Variants in SAMD12 observed in about 807,000 individuals in gnomAD.
The protein encoded by SAMD12 is sterile alpha motif domain containing 12.
In SAMD12, 9 loss-of-function variants were observed where a neutral mutation model predicts 15.0. That is an observed-to-expected ratio of 0.60 (90% CI 0.36 to 1.05). The LOEUF is 1.05. SAMD12 is among the 50% of genes least tolerant of loss of function. The pLI, the probability that SAMD12 is intolerant of heterozygous loss-of-function variation, is 0.01. For synonymous variants in SAMD12, 86 were observed against 90.1 expected, an observed-to-expected ratio of 0.96 and a Z score of 0.25; for missense variants, 230 against 234.2, an observed-to-expected ratio of 0.98 and a Z score of 0.12.
the SAMD12 span, among the ~76,000 whole-genome samples, chr8:118,153,713 C>T: frequency 6.6e-6 from 1 of 152,130 alleles, no homozygotes. Flanking sequence ...AGAGGCTACA[C>T]CATGGGTTGA....
chr8:118,609,071 A>C (rs889103008), intron 1 of SAMD12, among the ~76,000 whole-genome samples: 3 of 152,248 alleles, frequency 2.0e-5, no homozygotes, highest in Non-Finnish European at 4.4e-5. Context: ...AATGTGAGCT[A>C]TACATACATT....
intron 4 of SAMD12, among the ~76,000 whole-genome samples, chr8:118,229,158 A>G (rs994416553): frequency 1.3e-5 from 2 of 152,128 alleles, no homozygotes; most frequent in Non-Finnish European, 2.9e-5. Context: ...GGGGCGAGGG[A>G]TAAAAGACTA....
At chr8:118,198,641 C>A (rs149125548) in intron 4 of SAMD12, among the ~76,000 whole-genome samples, 4 of 151,964 alleles carry the variant, frequency 2.6e-5, no homozygotes, top group Admixed American at 1.3e-4. Context: ...CATGACAGAA[C>A]GCACTATTTG....
chr8:118,428,448 A>G (rs1057256821), intron 3 of SAMD12, among the ~76,000 whole-genome samples: 7 of 152,192 alleles, frequency 4.6e-5, no homozygotes. Flanking sequence ...AAGAAATAAA[A>G]AGACCAATTT....
At chr8:118,297,769 A>G (rs190320034) in intron 4 of SAMD12, among the ~76,000 whole-genome samples, 12 of 152,320 alleles carry the variant, frequency 7.9e-5, no homozygotes, top group Non-Finnish European at 1.3e-4. Flanking sequence ...TTTTTTTTAC[A>G]TATGTAATTA....
chr8:118,229,260 C>T (rs1395423029), intron 4 of SAMD12, among the ~76,000 whole-genome samples: 1 of 151,886 alleles, frequency 6.6e-6, no homozygotes, highest in African/African-American at 2.4e-5. Context: ...CAAATACCAC[C>T]TGTACCCAAA....
rs1016831403 is a variant in SAMD12 at position 118,571,553 on chromosome 8, T to A, written c.192+9162A>T. ...GGAGTAGGCTGTATAAAAAGTGGTT[T>A]TGTGGGCCGGGCCCAGGGTGCCCAT... On this transcript the variant is annotated intron_variant, in intron 2 of 3. Coordinates refer to ENST00000314727, the MANE Select transcript of SAMD12 (RefSeq NM_207506.3). 2.0e-5 allele frequency among the ~76,000 whole-genome samples: 3 copies of A among 152,274 alleles called. No homozygotes were observed. The East Asian group carries it at 5.8e-4, about 29-fold the overall frequency.
intron 1 of SAMD12, among the ~76,000 whole-genome samples, chr8:118,594,826 GT>G (rs770825212): frequency 1.3e-5 from 2 of 152,128 alleles, no homozygotes; most frequent in Non-Finnish European, 2.9e-5. Context: ...CAATATTCCT[GT>G]GTTGATATAC....
chr8:118,140,699 C>A, the SAMD12 span, among the ~76,000 whole-genome samples: 1 of 152,190 alleles, frequency 6.6e-6, no homozygotes, highest in Admixed American at 6.5e-5. Flanking sequence ...TTCATTTGCT[C>A]TTCTACATTT....
intron 4 of SAMD12, among the ~76,000 whole-genome samples, chr8:118,267,437 A>T (rs886083206): frequency 6.6e-6 from 1 of 152,270 alleles, no homozygotes; most frequent in East Asian, 1.9e-4. Flanking sequence ...AAGGCCAAAG[A>T]CATATGGTTC....
At chr8:118,275,834 T>C (rs1813461985) in intron 4 of SAMD12, among the ~76,000 whole-genome samples, 1 of 152,204 alleles carries the variant, frequency 6.6e-6, no homozygotes. Flanking sequence ...CTGCATTAAT[T>C]TGCTTAGGAT....
intron 2 of SAMD12, among the ~76,000 whole-genome samples, chr8:118,450,896 G>A (rs1029270752): frequency 8.5e-5 from 13 of 152,162 alleles, no homozygotes; most frequent in Admixed American, 4.6e-4. Context: ...TTCTGAGAAC[G>A]TGTGTGGTCA....
At chr8:118,464,232 C>T (rs556178517) in intron 2 of SAMD12, among the ~76,000 whole-genome samples, 6 of 152,278 alleles carry the variant, frequency 3.9e-5, no homozygotes, top group South Asian at 2.1e-4. Context: ...ATAGCTGATG[C>T]GGCTAACTTT....
At chr8:118,458,546 A>T (rs1258827125) in intron 2 of SAMD12, among the ~76,000 whole-genome samples, 1 of 152,176 alleles carries the variant, frequency 6.6e-6, no homozygotes, top group East Asian at 1.9e-4. Flanking sequence ...CATTTTTCTG[A>T]TGCTTTAAAG....
At chr8:118,380,331 T>C (rs1007844368) in intron 3 of SAMD12, among the ~76,000 whole-genome samples, 1 of 152,054 alleles carries the variant, frequency 6.6e-6, no homozygotes, top group Non-Finnish European at 1.5e-5. Context: ...AATGCAAGGG[T>C]TCTAGCAGGG....
intron 4 of SAMD12, chr8:118,284,426 GTGATTCTGCC>G: frequency 2.2e-6 from 1 of 453,108 alleles, no homozygotes; most frequent in Non-Finnish European, 4.4e-6. Context: ...TGACAAGTGA[GTGATTCTGCC>G]TGCCTGATAT....
chr8:118,402,031 C>T (rs1820894404), intron 3 of SAMD12, among the ~76,000 whole-genome samples: 1 of 151,942 alleles, frequency 6.6e-6, no homozygotes, highest in Non-Finnish European at 1.5e-5. Context: ...GCTCAGTTTC[C>T]TTGTCTTTCC....
rs17749211 is a variant in SAMD12, at chr8:118,379,170, C to A, written c.*247G>T. ...AATGCTAAAGCGCCCTCACAATTGG[C>A]GCAGGTGAAGATAGCTACAGCTGGA... On this transcript the variant is annotated 3_prime_UTR_variant, in exon 4 of 4. Transcript: ENST00000314727. The A allele has an allele frequency of 2.4e-6, 3 of 1,227,690 alleles. No individual in the cohort carries two copies. The highest frequency in any genetic ancestry group is 3.2e-5 in the South Asian group (1 of 31,132). 76.0% of individuals were successfully genotyped at this position (1,227,690 alleles called of 1,614,324 possible). A position where few individuals can be genotyped will look rare whatever the true frequency, so the allele number is the denominator to read the frequency against.
intron 4 of SAMD12, among the ~76,000 whole-genome samples, chr8:118,235,861 CT>C (rs1294712566): frequency 6.6e-6 from 1 of 152,148 alleles, no homozygotes; most frequent in East Asian, 1.9e-4. Flanking sequence ...CTCTCTCATT[CT>C]TTCCTTAATG....
Sources: gnomAD v4.1 joint callset for allele counts (sites outside exome capture counted in the v4.1 genomes callset) on GRCh38, gnomAD v4.1.1 for gene constraint, MANE v1.5 for transcripts, NCBI Gene and HGNC (gene_info 2026-07-23, HGNC 2026-07-21) for gene names.